The following RTL4 variants were observed in gnomAD, a reference collection of about 807,000 sequenced individuals.
The protein encoded by RTL4 is retrotransposon Gag-like protein 4.
Under a neutral mutation model 5.3 loss-of-function variants are expected in RTL4, and 4 were observed. That is an observed-to-expected ratio of 0.75 (90% CI 0.37 to 1.72). The LOEUF is 1.72. RTL4 is among the 40% of genes most tolerant of loss of function. The probability of loss-of-function intolerance (pLI) is 0.04; values close to 1 mark genes in which losing one functional copy is unlikely to be tolerated. For missense variants in RTL4, 260 were observed against 227.1 expected (o/e 1.14, Z -0.93); for synonymous variants, 98 against 87.3 (o/e 1.12, Z -0.68).
chrX:112,362,408 C>A, the RTL4 span, among the ~76,000 whole-genome samples: 1 of 111,424 alleles, frequency 9.0e-6, no homozygotes, highest in Admixed American at 9.5e-5. Context: ...AGAAAATGGG[C>A]AGAAGTAGAG....
the RTL4 span, among the ~76,000 whole-genome samples, chrX:112,144,063 T>A: frequency 8.9e-6 from 1 of 112,140 alleles, no homozygotes; most frequent in Non-Finnish European, 1.9e-5. Context: ...TCAGTACATT[T>A]CTTGTTAATC....
the RTL4 span, among the ~76,000 whole-genome samples, chrX:112,229,339 C>T: frequency 1.8e-5 from 2 of 111,972 alleles, no homozygotes; most frequent in Non-Finnish European, 3.8e-5. Flanking sequence ...TCCCAACAGC[C>T]CTATTCAAAT....
the RTL4 span, among the ~76,000 whole-genome samples, chrX:112,084,079 T>C: frequency 0.083 from 9,230 of 110,949 alleles, 519 homozygotes; most frequent in African/African-American, 0.2. Context: ...TGTTGCTCTT[T>C]AACCCCCTCT....
At chrX:112,168,965 T>TTC in the RTL4 span, among the ~76,000 whole-genome samples, 1 of 92,353 alleles carries the variant, frequency 1.1e-5, no homozygotes, top group Non-Finnish European at 2.2e-5. Context: ...CTTTCTTTCT[T>TTC]TTTCTTTCTT....
chrX:112,120,498 G>C, the RTL4 span, among the ~76,000 whole-genome samples: 66 of 109,710 alleles, frequency 6.0e-4, no homozygotes, highest in African/African-American at 1.7e-3. Flanking sequence ...GGATAGTCTC[G>C]ATCTCCTGAC....
At chrX:112,348,087 A>G in the RTL4 span, among the ~76,000 whole-genome samples, 1 of 111,450 alleles carries the variant, frequency 9.0e-6, no homozygotes, top group African/African-American at 3.3e-5. Flanking sequence ...TCTAAGTCGA[A>G]TCTTACAGAG....
At chrX:112,191,830 T>C in the RTL4 span, among the ~76,000 whole-genome samples, 1 of 111,758 alleles carries the variant, frequency 8.9e-6, no homozygotes, top group East Asian at 2.8e-4. Context: ...GTAGATCAGT[T>C]TGAGAAGATT....
the RTL4 span, among the ~76,000 whole-genome samples, chrX:112,161,668 G>A: frequency 9.0e-6 from 1 of 111,152 alleles, no homozygotes. Flanking sequence ...ACATATAACA[G>A]AGACAACAGC....
At chrX:112,279,909 T>C in the RTL4 span, among the ~76,000 whole-genome samples, 1 of 111,810 alleles carries the variant, frequency 8.9e-6, no homozygotes, top group Non-Finnish European at 1.9e-5. Flanking sequence ...AATTATTAAT[T>C]GCAGGGAAAA....
the RTL4 span, among the ~76,000 whole-genome samples, chrX:112,424,924 T>G: frequency 6.3e-5 from 7 of 111,155 alleles, no homozygotes; most frequent in Non-Finnish European, 9.5e-5. Flanking sequence ...GAAGCTACAT[T>G]GATGCATTAT....
chrX:112,281,663 T>C, the RTL4 span, among the ~76,000 whole-genome samples: 1 of 110,905 alleles, frequency 9.0e-6, no homozygotes, highest in Admixed American at 9.6e-5. Context: ...TTGTCTTTCA[T>C]TTTTTTTACA....
chrX:112,140,058 A>C, the RTL4 span, among the ~76,000 whole-genome samples: 2 of 112,383 alleles, frequency 1.8e-5, no homozygotes, highest in South Asian at 7.3e-4. Context: ...CAGCAGCATG[A>C]AAACGGACTA....
the RTL4 span, among the ~76,000 whole-genome samples, chrX:112,262,371 C>A: frequency 8.9e-6 from 1 of 111,856 alleles, no homozygotes; most frequent in Non-Finnish European, 1.9e-5. Flanking sequence ...ACACAATCAA[C>A]AAGTGGGCAA....
the RTL4 span, among the ~76,000 whole-genome samples, chrX:112,407,325 G>C: frequency 9.0e-6 from 1 of 111,088 alleles, no homozygotes; most frequent in African/African-American, 3.3e-5. Context: ...CTGACTGCAG[G>C]GGCCTTGGAC....
the RTL4 span, among the ~76,000 whole-genome samples, chrX:112,419,337 CTTTTTTTTTTTTTTTTTTTTTTTTTTT>C: frequency 8.2e-5 from 2 of 24,392 alleles, no homozygotes; most frequent in African/African-American, 3.7e-4. Context: ...TTCCATTCAG[CTTTTTTTTTTTTTTTTTTTTTTTTTTT>C]TTTTTTTTTT....
chrX:112,332,920 GT>G, the RTL4 span, among the ~76,000 whole-genome samples: 1 of 111,147 alleles, frequency 9.0e-6, no homozygotes, highest in Non-Finnish European at 1.9e-5. Flanking sequence ...TTGGTGCTCT[GT>G]TGTTAGGTGC....
the RTL4 span, among the ~76,000 whole-genome samples, chrX:112,334,119 C>T: frequency 2.0e-4 from 22 of 111,616 alleles, no homozygotes; most frequent in Non-Finnish European, 3.8e-4. Context: ...CATGTTGTTG[C>T]AAGTGACAAG....
At chrX:112,327,745 G>A in the RTL4 span, among the ~76,000 whole-genome samples, 15 of 109,945 alleles carry the variant, frequency 1.4e-4, no homozygotes, top group Non-Finnish European at 2.1e-4. Context: ...AATGTTAAGG[G>A]CAGCCAGAGA....
At chrX:112,089,177 T>C in the RTL4 span, among the ~76,000 whole-genome samples, 1 of 110,979 alleles carries the variant, frequency 9.0e-6, no homozygotes, top group East Asian at 2.8e-4. Flanking sequence ...TAGTTACATA[T>C]GTATACATGT....
Sources: gnomAD v4.1 joint callset for allele counts (sites outside exome capture counted in the v4.1 genomes callset) on GRCh38, gnomAD v4.1.1 for gene constraint, MANE v1.5 for transcripts, NCBI Gene and HGNC (gene_info 2026-07-23, HGNC 2026-07-21) for gene names.